The following PROSER2 variants were observed in gnomAD, a reference collection of about 807,000 sequenced individuals.
The protein encoded by PROSER2 is proline and serine-rich protein 2.
PROSER2 carries 18 observed loss-of-function variants against 14.6 expected under a neutral mutation model. The ratio of observed to expected loss-of-function variants is 1.23; its 90% CI spans 0.85 to 1.83. The LOEUF is 1.83. Among genes scored for constraint, PROSER2 ranks in the 40% most tolerant of loss-of-function variants. The pLI is 0.00. For missense variants in PROSER2, 823 were observed against 629.8 expected (o/e 1.31, Z -3.28); for synonymous variants, 367 against 286.4 (o/e 1.28, Z -2.84).
Position 11,865,952 on chromosome 10 carries a change from C to G in PROSER2, c.139-579C>G, listed in dbSNP as rs1036098291. Among the ~76,000 whole-genome samples, 1 of 152,156 alleles carries G rather than the reference C, an allele frequency of 6.6e-6. No homozygotes were observed. Among genetic ancestry groups the G allele is most frequent in the South Asian group, 2.1e-4 (1 of 4,830 alleles). On this transcript the variant is annotated intron_variant, in intron 2 of 3. Transcript: ENST00000277570. The surrounding 1 kb of genome is among the most constrained non-coding windows in gnomAD (Gnocchi z 4.2). The stretch of plus-strand genomic sequence containing the variant: ...CGGGATGCAGCAGGTGGGTCACTGG[C>G]TTTCCTGGGCCTTCTCAGTCAGTTT...
At chr10:11,852,412 C>T (rs1312222988) in intron 2 of PROSER2, among the ~76,000 whole-genome samples, 197 bp downstream of exon 2, 1 of 152,152 alleles carries the variant, frequency 6.6e-6, no homozygotes, top group Non-Finnish European at 1.5e-5. Context: ...TACCCATAGC[C>T]ATGGAGCAAA....
chr10:11,828,303 A>G (rs78889102), intron 1 of PROSER2, among the ~76,000 whole-genome samples: 55 of 82,632 alleles, frequency 6.7e-4, no homozygotes, highest in African/African-American at 1.1e-3. Flanking sequence ...CTCTGTGTGA[A>G]AAAAAAAAAA....
intron 2 of PROSER2, among the ~76,000 whole-genome samples, chr10:11,860,906 G>T (rs1300039814): frequency 6.6e-6 from 1 of 152,042 alleles, no homozygotes; most frequent in African/African-American, 2.4e-5. Context: ...AGGAATTCGA[G>T]ACCAGGCTGG....
Position 11,870,516 on chromosome 10 carries a change from C to G in PROSER2, c.*110C>G. 1.0e-6 allele frequency: 1 copy of G among 970,034 alleles called. No individual in the cohort carries two copies. The highest frequency in any genetic ancestry group is 1.4e-6 in the Non-Finnish European group (1 of 699,478). 60.1% of individuals were successfully genotyped at this position (970,034 alleles called of 1,614,324 possible). On this transcript the variant is annotated 3_prime_UTR_variant, in exon 4 of 4. Coordinates refer to ENST00000277570, the MANE Select transcript of PROSER2 (RefSeq NM_153256.4). Reference sequence around the variant, plus strand: ...CTAAAATGGAAGTGACAGCGGGAGCCCCTGCCCTCTGTGGCACATCGGAGT... The same window carrying G: ...CTAAAATGGAAGTGACAGCGGGAGCGCCTGCCCTCTGTGGCACATCGGAGT...
At chr10:11,840,436 C>A (rs1020836574) in intron 1 of PROSER2, among the ~76,000 whole-genome samples, 1 of 152,066 alleles carries the variant, frequency 6.6e-6, no homozygotes, top group Non-Finnish European at 1.5e-5. Flanking sequence ...TGCTACATCA[C>A]GTTGGAAAAT....
intron 2 of PROSER2, among the ~76,000 whole-genome samples, chr10:11,853,928 TG>T (rs1834076216): frequency 6.6e-6 from 1 of 152,138 alleles, no homozygotes; most frequent in Non-Finnish European, 1.5e-5. Context: ...AGCACTCCCG[TG>T]GTATATGTGA....
rs751278205 is a variant in PROSER2 at position 11,871,769 on chromosome 10, C to T, written c.*1363C>T. ...CTTTGTGTTTTTATGTCTCCGCCAG[C>T]GCCGTAACAGAGCCTGTTTCTTTCC... On this transcript the variant is annotated 3_prime_UTR_variant, in exon 4 of 4. Transcript: ENST00000277570. 5.3e-5 allele frequency: 8 copies of T among 152,228 alleles called. No individual in the cohort carries two copies. The highest frequency in any genetic ancestry group is 1.2e-4 in the Non-Finnish European group (8 of 68,042). The allele number at this position is 152,228 out of a possible 1,614,324, so 9.4% of individuals were successfully genotyped here. A position where few individuals can be genotyped will look rare whatever the true frequency, so the allele number is the denominator to read the frequency against.
rs770771434 is a variant in PROSER2 at position 11,838,200 on chromosome 10, A to ACC, written c.-81-13792_-81-13791dup. Among the ~76,000 whole-genome samples the ACC allele has an allele frequency of 2.4e-4, 36 of 147,976 alleles. No individual in the cohort carries two copies. The highest frequency in any genetic ancestry group is 4.2e-4 in the Non-Finnish European group (28 of 66,670). On this transcript the variant is annotated intron_variant, in intron 1 of 3. Transcript: ENST00000277570. This position sits in a 1 kb window ranked among gnomAD's most constrained non-coding sequence, Gnocchi z 4.4. The stretch of plus-strand genomic sequence containing the variant: ...CAGGTCATGCCCCCGACACACACTC[A>ACC]CCCCCCAGACTCACCAGTGGCATTC...
intron 2 of PROSER2, among the ~76,000 whole-genome samples, chr10:11,855,623 G>T (rs760290611): frequency 7.9e-5 from 12 of 152,082 alleles, no homozygotes; most frequent in Non-Finnish European, 1.6e-4. Flanking sequence ...GCCAGTGCAA[G>T]TTAAAAATTT....
In PROSER2 at chr10:11,865,639, C is replaced by T. The variant is rs1190122483; in HGVS notation, c.139-892C>T. ...AGCCTTTTTTGGCTCTTGGATTCCT[C>T]GGGTTCCCCAGAGATGACATGCACA... is the stretch of plus-strand genomic sequence containing the variant. On this transcript the variant is annotated intron_variant, in intron 2 of 3. Coordinates refer to ENST00000277570, the MANE Select transcript of PROSER2 (RefSeq NM_153256.4). The surrounding 1 kb of genome is among the most constrained non-coding windows in gnomAD (Gnocchi z 4.2). Among the ~76,000 whole-genome samples, 4 of 152,160 alleles carry T rather than the reference C, an allele frequency of 2.6e-5. No homozygotes were observed. The highest frequency in any genetic ancestry group is 4.4e-5 in the Non-Finnish European group (3 of 68,030).
At chr10:11,857,743 T>TAA (rs374000135) in intron 2 of PROSER2, among the ~76,000 whole-genome samples, 78,031 of 106,134 alleles carry the variant, frequency 0.74, 29,207 homozygotes, top group East Asian at 0.97. Flanking sequence ...AGACCCCATC[T>TAA]AAAAAAAAAA....
chr10:11,864,592 C>CTTT (rs533338162), intron 2 of PROSER2, among the ~76,000 whole-genome samples: 3 of 139,662 alleles, frequency 2.1e-5, no homozygotes, highest in Non-Finnish European at 3.1e-5. Context: ...TTTTTTTTTT[C>CTTT]TTTTTTTTTT....
chr10:11,860,196 T>TGGGATACACACCAGGTGCCC lies in PROSER2; in HGVS notation c.139-6334_139-6315dup, dbSNP rs1287777932. On this transcript the variant is annotated intron_variant, in intron 2 of 3. Coordinates refer to ENST00000277570, the MANE Select transcript of PROSER2 (RefSeq NM_153256.4). ...CCAGACTGACTACAGAGAAGGTGCT[T>TGGGATACACACCAGGTGCCC]GGGATACACACCAGGTGCCCAGCAC... Among the ~76,000 whole-genome samples the TGGGATACACACCAGGTGCCC allele has an allele frequency of 2.0e-5, 3 of 152,186 alleles. No individual in the cohort carries two copies. The East Asian group carries it at 5.8e-4, about 29-fold the overall frequency.
At chr10:11,831,091 GAT>G (rs773039463) in intron 1 of PROSER2, among the ~76,000 whole-genome samples, 2 of 152,184 alleles carry the variant, frequency 1.3e-5, no homozygotes, top group African/African-American at 4.8e-5. Flanking sequence ...CTTGAGATAA[GAT>G]ATGTAAATCA....
In PROSER2 at chr10:11,866,636, T is replaced by C. The variant is rs781523013; in HGVS notation, c.244T>C (p.Cys82Arg). The stretch of plus-strand genomic sequence containing the variant: ...CGAGGACTTTGAGGAGCCAGTGCTG[T>C]GCGATGGAGGAGTGTGCTGCCTCTG... The part of the protein sequence containing the change: ...LDEDFEEPVL[C>R]DGGVCCLCSP... Residue 82 changes from cysteine to arginine, a missense_variant, in exon 3 of 4, where the codon TGC becomes CGC. Cys to Arg is a radical substitution (Grantham distance 180). Transcript: ENST00000277570. This position sits in a 1 kb window ranked among gnomAD's most constrained non-coding sequence, Gnocchi z 6.0. 3 of 1,614,186 alleles carry C rather than the reference T, an allele frequency of 1.9e-6. No individual in the cohort carries two copies. Among genetic ancestry groups the C allele is most frequent in the South Asian group, 1.1e-5 (1 of 91,084 alleles).
rs145960340 is a variant in PROSER2 at position 11,866,745 on chromosome 10, G to A, written c.353G>A (p.Gly118Glu). The change falls in exon 3 of 4, where the codon GGG (glycine) becomes GAG (glutamate). Residue 118 changes from glycine to glutamate, a missense_variant. Gly to Glu is a moderately conservative substitution (Grantham distance 98). Transcript: ENST00000277570. This position sits in a 1 kb window ranked among gnomAD's most constrained non-coding sequence, Gnocchi z 6.0. Reference sequence around the variant, plus strand: ...TTAGTGCAGCCAGCACCTGGCGCCGGGGAAGCCGAGGGCCTTCCAGAGGGG... The same window carrying A: ...TTAGTGCAGCCAGCACCTGGCGCCGAGGAAGCCGAGGGCCTTCCAGAGGGG... ...IDLVQPAPGA[G>E]EAEGLPEGTQ... The A allele has an allele frequency of 2.5e-6, 4 of 1,612,996 alleles. No individual in the cohort carries two copies. In the African/African-American group the frequency reaches 4.0e-5, roughly 16 times the overall value.
Position 11,869,741 on chromosome 10 carries a change from TC to T in PROSER2, c.647del (p.Pro216ArgfsTer137). 6.3e-7 allele frequency: 1 copy of T among 1,585,926 alleles called. No individual in the cohort carries two copies. The highest frequency in any genetic ancestry group is 8.6e-7 in the Non-Finnish European group (1 of 1,167,622). On this transcript the variant is annotated frameshift_variant, in exon 4 of 4. Coordinates refer to ENST00000277570, the MANE Select transcript of PROSER2 (RefSeq NM_153256.4). LOFTEE classifies it low-confidence loss of function (END_TRUNC). This position sits in a 1 kb window ranked among gnomAD's most constrained non-coding sequence, Gnocchi z 4.4. ...MAGNEALSPT[S>X]PFREGRPGEW... ...GGGGAACGAAGCCCTCTCGCCCACC[TC>T]CCCGTTCAGGGAGGGCCGGCCCGGG...
chr10:11,851,836 A>AG, intron 1 of PROSER2, 161 bp from the exon 2 acceptor site: 1 of 358,198 alleles, frequency 2.8e-6, no homozygotes, highest in East Asian at 4.3e-5. Context: ...GAGACATGGC[A>AG]GTCAGCATCC....
intron 1 of PROSER2, among the ~76,000 whole-genome samples, chr10:11,824,396 G>A (rs116233431): frequency 0.021 from 3,271 of 152,214 alleles, 121 homozygotes; most frequent in African/African-American, 0.074. Context: ...GAAACTTGAG[G>A]GAAATACTCA....
Sources: gnomAD v4.1 joint callset for allele counts (sites outside exome capture counted in the v4.1 genomes callset) on GRCh38, gnomAD v4.1.1 for gene constraint, Gnocchi (gnomAD v3.1) non-coding constraint, MANE v1.5 for transcripts, NCBI Gene and HGNC (gene_info 2026-07-23, HGNC 2026-07-21) for gene names.